Variants in OSBPL8 observed in about 807,000 individuals in gnomAD.
The protein encoded by OSBPL8 is oxysterol binding protein like 8, also known as oxysterol-binding protein-related protein 8.
A neutral mutation model predicts 125.5 loss-of-function variants in OSBPL8; 59 were observed. The observed-to-expected ratio is 0.47, with a 90% confidence interval of 0.38 to 0.58. The LOEUF (loss-of-function observed/expected upper bound fraction) is 0.58. OSBPL8 is among the 20% of genes least tolerant of loss of function. The probability of loss-of-function intolerance (pLI) is 0.00; values close to 1 mark genes in which losing one functional copy is unlikely to be tolerated. For synonymous variants in OSBPL8, 330 were observed against 338.9 expected (o/e 0.97, Z 0.29); for missense variants, 758 against 1,047.8 (o/e 0.72, Z 3.82).
intron 4 of OSBPL8, among the ~76,000 whole-genome samples, chr12:76,433,966 C>T (rs1482303605): frequency 9.8e-6 from 1 of 101,658 alleles, no homozygotes; most frequent in African/African-American, 4.0e-5. Context: ...CAGAGTGAGA[C>T]TCCATCTCAA....
In OSBPL8 at chr12:76,510,328, T is replaced by C. The variant is rs545014416; in HGVS notation, c.-67-22710A>G. ...AAGGTTTTCTTGATCTATTGTTTTATAAATACCTACTACTTATGTAGAGTC... is the reference window on the plus strand; with the variant it reads ...AAGGTTTTCTTGATCTATTGTTTTACAAATACCTACTACTTATGTAGAGTC... On this transcript the variant is annotated intron_variant, in intron 1 of 23. Transcript: ENST00000261183. Among the ~76,000 whole-genome samples the C allele has an allele frequency of 8.5e-5, 13 of 152,340 alleles. 1 individual carries two copies. The South Asian group carries it at 2.7e-3, about 32-fold the overall frequency.
chr12:76,485,088 T>C (rs920856621), intron 2 of OSBPL8, among the ~76,000 whole-genome samples: 25 of 151,614 alleles, frequency 1.6e-4, no homozygotes, highest in African/African-American at 5.8e-4. Flanking sequence ...GTCCGGCTAA[T>C]TTTTTTGTAT....
intron 16 of OSBPL8, among the ~76,000 whole-genome samples, chr12:76,376,548 T>C (rs1041777169): frequency 2.6e-5 from 4 of 152,288 alleles, no homozygotes; most frequent in East Asian, 3.9e-4. Flanking sequence ...CTATAAAAAA[T>C]TTTCCCTATT....
chr12:76,375,534 G>A (rs1952785638), intron 16 of OSBPL8, among the ~76,000 whole-genome samples, 164 bp from the exon 17 acceptor site: 1 of 152,064 alleles, frequency 6.6e-6, no homozygotes, highest in Admixed American at 6.6e-5. Flanking sequence ...GGTTCTGTAG[G>A]ATATAAATAG....
intron 10 of OSBPL8, among the ~76,000 whole-genome samples, chr12:76,392,278 G>GT (rs1288893731): frequency 2.0e-5 from 3 of 152,298 alleles, no homozygotes; most frequent in East Asian, 3.9e-4. Context: ...GGAGAAAAGC[G>GT]TAAGGAGGAG....
chr12:76,424,239 G>A (rs1419197364), intron 4 of OSBPL8, among the ~76,000 whole-genome samples: 1 of 152,122 alleles, frequency 6.6e-6, no homozygotes, highest in Non-Finnish European at 1.5e-5. Context: ...GACCTCAGGT[G>A]ATCCACCCAC....
At chr12:76,452,793 T>C (rs1261130273) in intron 3 of OSBPL8, among the ~76,000 whole-genome samples, 1 of 152,172 alleles carries the variant, frequency 6.6e-6, no homozygotes, top group African/African-American at 2.4e-5. Context: ...GTCTTCTTGG[T>C]ATTTCCTCAA....
chr12:76,433,871 AG>A lies in OSBPL8; in HGVS notation c.217+16979del, dbSNP rs982773658. Among the ~76,000 whole-genome samples, 3 of 150,130 alleles carry A rather than the reference AG, an allele frequency of 2.0e-5. No individual in the cohort carries two copies. The Admixed American group carries it at 2.0e-4, about 10-fold the overall frequency. ...TGCACCTGTAATCCAGCTACTCAGG[AG>A]GCTGACACAGGATAATTGCTTGAAC... On this transcript the variant is annotated intron_variant, in intron 4 of 23. Coordinates refer to ENST00000261183, the MANE Select transcript of OSBPL8 (RefSeq NM_020841.5).
chr12:76,379,850 T>C (rs1952970023), intron 15 of OSBPL8, among the ~76,000 whole-genome samples: 1 of 152,208 alleles, frequency 6.6e-6, no homozygotes, highest in Non-Finnish European at 1.5e-5. Context: ...AGACATCTAT[T>C]TTCATTTTTC....
chr12:76,466,368 G>A (rs527573139), intron 2 of OSBPL8, among the ~76,000 whole-genome samples: 4 of 152,254 alleles, frequency 2.6e-5, no homozygotes, highest in African/African-American at 9.6e-5. Flanking sequence ...ATAGTGGGAA[G>A]TACATTTTAA....
At chr12:76,470,694 C>T (rs902641442) in intron 2 of OSBPL8, among the ~76,000 whole-genome samples, 1 of 152,108 alleles carries the variant, frequency 6.6e-6, no homozygotes, top group Non-Finnish European at 1.5e-5. Context: ...TAGTATATCA[C>T]ACTGCACAGC....
intron 2 of OSBPL8, among the ~76,000 whole-genome samples, chr12:76,475,744 A>G (rs530282303): frequency 1.3e-5 from 2 of 152,318 alleles, no homozygotes; most frequent in East Asian, 3.9e-4. Flanking sequence ...TCACAGATAA[A>G]GGAAAGGCCA....
chr12:76,477,713 A>G (rs184814947), intron 2 of OSBPL8, among the ~76,000 whole-genome samples: 1 of 152,320 alleles, frequency 6.6e-6, no homozygotes, highest in African/African-American at 2.4e-5. Context: ...TAATGTATCA[A>G]CATGAGTTCA....
At chr12:76,380,424 G>A (rs1402035803) in intron 15 of OSBPL8, among the ~76,000 whole-genome samples, 1 of 150,038 alleles carries the variant, frequency 6.7e-6, no homozygotes, top group Non-Finnish European at 1.5e-5. Flanking sequence ...TTCTGAGCCA[G>A]GCATGGTGAT....
At chr12:76,461,853 G>A (rs141518893) in intron 2 of OSBPL8, among the ~76,000 whole-genome samples, 75 of 152,298 alleles carry the variant, frequency 4.9e-4, no homozygotes, top group African/African-American at 1.4e-3. Context: ...TTTGATCCAC[G>A]GAAATCTGAG....
intron 1 of OSBPL8, among the ~76,000 whole-genome samples, chr12:76,489,361 A>G (rs1294292340): frequency 1.3e-5 from 2 of 152,242 alleles, no homozygotes; most frequent in Non-Finnish European, 2.9e-5. Flanking sequence ...TCATATCTAG[A>G]GAGGAGAAGT....
At chr12:76,498,855 G>A (rs1462117085) in intron 1 of OSBPL8, among the ~76,000 whole-genome samples, 4 of 151,708 alleles carry the variant, frequency 2.6e-5, no homozygotes, top group African/African-American at 9.7e-5. Flanking sequence ...GACTAGCTGG[G>A]ACTACAGGCA....
chr12:76,510,755 C>T (rs2137181306), intron 1 of OSBPL8, among the ~76,000 whole-genome samples: 1 of 152,102 alleles, frequency 6.6e-6, no homozygotes, highest in South Asian at 2.1e-4. Flanking sequence ...GTGGCGCATG[C>T]CTGTAATCCC....
chr12:76,450,497 A>G (rs1873248264), intron 4 of OSBPL8, among the ~76,000 whole-genome samples: 2 of 152,002 alleles, frequency 1.3e-5, no homozygotes, highest in African/African-American at 4.8e-5. Flanking sequence ...GTTTTAATTT[A>G]TAATATAATA....
Sources: gnomAD v4.1 joint callset for allele counts (sites outside exome capture counted in the v4.1 genomes callset) on GRCh38, gnomAD v4.1.1 for gene constraint, MANE v1.5 for transcripts, NCBI Gene and HGNC (gene_info 2026-07-23, HGNC 2026-07-21) for gene names.